KCNMB3: variants seen among roughly 807,000 people sequenced by gnomAD.
KCNMB3 encodes potassium calcium-activated channel subfamily M regulatory beta subunit 3, also known as calcium-activated potassium channel subunit beta-3.
In KCNMB3, 18 loss-of-function variants were observed where a neutral mutation model predicts 11.9. The observed-to-expected ratio is 1.51, with a 90% confidence interval of 1.04 to 2.23. The LOEUF (loss-of-function observed/expected upper bound fraction) is 2.23. KCNMB3 is among the 30% of genes most tolerant of loss of function. KCNMB3 has a pLI of 0.00. For missense variants in KCNMB3, 247 were observed against 329.4 expected, an observed-to-expected ratio of 0.75 and a Z score of 1.94; for synonymous variants, 78 against 119.2, an observed-to-expected ratio of 0.65 and a Z score of 2.25.
At chr3:179,265,750 G>A (rs970312007) in intron 1 of KCNMB3, among the ~76,000 whole-genome samples, 3 of 152,142 alleles carry the variant, frequency 2.0e-5, no homozygotes, top group African/African-American at 4.8e-5. Context: ...GAGCCACCGC[G>A]CCTGGCACAA....
At position 179,263,893 on chromosome 3, in the gene KCNMB3, C is replaced by T. The variant is rs184623801; in HGVS notation, c.62+2756G>A. 1.2e-3 allele frequency among the ~76,000 whole-genome samples: 164 copies of T among 134,622 alleles called. 2 individuals carry two copies. The highest frequency in any genetic ancestry group is 4.4e-3 in the African/African-American group (159 of 36,232). 88.3% of individuals were successfully genotyped at this position (134,622 alleles called of 152,430 possible). ...TGATCTCAGCTCACTACAACCTCTG[C>T]TTCCCGGGTTCAAGCAATTCTCCTG... On this transcript the variant is annotated intron_variant, in intron 1 of 3. Coordinates refer to the KCNMB3 transcript ENST00000349697.
chr3:179,261,404 C>G, intron 1 of KCNMB3: 1 of 1,065,584 alleles, frequency 9.4e-7, no homozygotes, highest in Non-Finnish European at 1.1e-6. Flanking sequence ...GAAGTGAACG[C>G]TCGCGCTTCC....
chr3:179,255,590 A>T (rs913377824), upstream of KCNMB3, among the ~76,000 whole-genome samples: 1 of 152,190 alleles, frequency 6.6e-6, no homozygotes, highest in Non-Finnish European at 1.5e-5. Flanking sequence ...CATGAAAGAT[A>T]GATTAAATAG....
intron 1 of KCNMB3, among the ~76,000 whole-genome samples, chr3:179,246,334 C>A (rs1725642082): frequency 6.6e-6 from 1 of 152,094 alleles, no homozygotes; most frequent in Non-Finnish European, 1.5e-5. Flanking sequence ...ATTGCTTAAA[C>A]CCGGGAGGCA....
intron 1 of KCNMB3, among the ~76,000 whole-genome samples, chr3:179,264,256 A>G (rs1036574593): frequency 1.3e-5 from 2 of 152,194 alleles, no homozygotes; most frequent in Non-Finnish European, 2.9e-5. Flanking sequence ...CATCAATTAG[A>G]TATGCCATAT....
At chr3:179,249,343 A>G (rs1261356572) in intron 1 of KCNMB3, among the ~76,000 whole-genome samples, 1 of 150,620 alleles carries the variant, frequency 6.6e-6, no homozygotes, top group African/African-American at 2.4e-5. Context: ...ATAAATAAAT[A>G]AGCTAGAGAA....
rs774890691 is a variant in KCNMB3 at position 179,250,897 on chromosome 3, C to G, written c.94G>C (p.Asp32His). The change falls in exon 1 of 3, where the codon GAC (aspartate) becomes CAC (histidine). Residue 32 changes from aspartate (D) to histidine (H), a missense_variant. Asp to His is a moderately conservative substitution (Grantham distance 81). Transcript: ENST00000392685. Reference protein sequence around the residue: ...FPASGKKRETDYSDGDPLDVH... With the variant: ...FPASGKKRETHYSDGDPLDVH... Reference sequence around the variant, plus strand: ...TCTAGTGGGTCTCCATCACTGTAGTCTGTCTCTCTCTTCTTCCCTGAGGCA... The same window carrying G: ...TCTAGTGGGTCTCCATCACTGTAGTGTGTCTCTCTCTTCTTCCCTGAGGCA... 6.2e-7 allele frequency: 1 copy of G among 1,614,150 alleles called. No individual in the cohort carries two copies.
downstream of KCNMB3, chr3:179,239,817 T>C: frequency 2.0e-6 from 1 of 495,216 alleles, no homozygotes; most frequent in Non-Finnish European, 3.6e-6. Context: ...TGTGGTATAC[T>C]GCATTCATTA....
Position 179,260,332 on chromosome 3 carries a change from C to A in KCNMB3, c.62+6317G>T, listed in dbSNP as rs145924950. 437 of 1,614,058 alleles carry A rather than the reference C, an allele frequency of 2.7e-4. 1 individual carries two copies. The African/African-American group carries it at 5.3e-3, about 20-fold the overall frequency. ...GCGCTCTCAAGAATTTGGCTTTGAACCTGTTCCTCATAGGTAGCACCTGCT... is the reference window on the plus strand; with the variant it reads ...GCGCTCTCAAGAATTTGGCTTTGAAACTGTTCCTCATAGGTAGCACCTGCT... On this transcript the variant is annotated intron_variant, in intron 1 of 3. Transcript: ENST00000349697.
upstream of KCNMB3, among the ~76,000 whole-genome samples, chr3:179,253,615 G>A (rs1209931505): frequency 6.6e-6 from 1 of 152,166 alleles, no homozygotes; most frequent in African/African-American, 2.4e-5. Context: ...AGACCAGCCT[G>A]ACCAACATGG....
At chr3:179,251,218 G>C, upstream of KCNMB3, 1 of 1,559,076 alleles carries the variant, frequency 6.4e-7, no homozygotes, top group Non-Finnish European at 8.7e-7. Flanking sequence ...AATAACTAGA[G>C]AATGTTGTAT....
At chr3:179,266,610 A>G (rs935358022) in intron 1 of KCNMB3, 1 of 1,611,910 alleles carries the variant, frequency 6.2e-7, no homozygotes. Context: ...TTGTTCAGCC[A>G]GATTCCCACT....
At chr3:179,240,009 T>G (rs1165904559), downstream of KCNMB3, 1 of 1,546,268 alleles carries the variant, frequency 6.5e-7, no homozygotes, top group Non-Finnish European at 8.7e-7. Context: ...CTGTTTATGC[T>G]CATCAGAAAC....
In KCNMB3 at chr3:179,261,423, G is replaced by C. The variant is rs192422847; in HGVS notation, c.62+5226C>G. On this transcript the variant is annotated intron_variant, in intron 1 of 3. Transcript: ENST00000349697. ...TGAACGCTCGCGCTTCCGGGGCCAA[G>C]AGCCAGCCCGCCGGGGAGCGGCTCG... is the stretch of plus-strand genomic sequence containing the variant. The C allele has an allele frequency of 3.9e-4, 405 of 1,049,996 alleles. 4 individuals carry two copies. The African/African-American group carries it at 6.3e-3, about 16-fold the overall frequency. The allele number at this position is 1,049,996 out of a possible 1,614,324, so 65.0% of individuals were successfully genotyped here. A position where few individuals can be genotyped will look rare whatever the true frequency, so the allele number is the denominator to read the frequency against.
intron 1 of KCNMB3, chr3:179,259,002 C>T: frequency 6.2e-7 from 1 of 1,613,758 alleles, no homozygotes; most frequent in Non-Finnish European, 8.5e-7. Context: ...TGCACCACGC[C>T]TGCCGCCTGC....
chr3:179,244,597 A>G lies in KCNMB3; in HGVS notation c.345T>C (p.Gly115=). 1.2e-6 allele frequency: 2 copies of G among 1,614,106 alleles called. No homozygotes were observed. Among genetic ancestry groups the G allele is most frequent in the Non-Finnish European group, 1.7e-6 (2 of 1,180,010 alleles). The part of the protein sequence containing the change: ...CAFTCGVHCH[G]QGKYPCLQVF... Reference sequence around the variant, plus strand: ...CCTGAAGACACGGGTACTTCCCCTGACCGTGGCAGTGCACACCACAGGTGA... The same window carrying G: ...CCTGAAGACACGGGTACTTCCCCTGGCCGTGGCAGTGCACACCACAGGTGA... Residue 115 remains glycine, a synonymous_variant, in exon 2 of 3, where the codon GGT becomes GGC. Coordinates refer to ENST00000392685, the MANE Select transcript of KCNMB3 (RefSeq NM_171830.2).
intron 1 of KCNMB3, among the ~76,000 whole-genome samples, chr3:179,247,712 C>T (rs886874278): frequency 6.6e-6 from 1 of 152,264 alleles, no homozygotes; most frequent in East Asian, 1.9e-4. Flanking sequence ...GGTGCTAATA[C>T]CAGAGAGAAG....
At chr3:179,246,684 T>C (rs1459094668) in intron 1 of KCNMB3, among the ~76,000 whole-genome samples, 1 of 152,192 alleles carries the variant, frequency 6.6e-6, no homozygotes, top group Non-Finnish European at 1.5e-5. Flanking sequence ...AATTAATTTA[T>C]ATGTTTATTT....
At chr3:179,259,682 A>G (rs1726137738) in intron 1 of KCNMB3, 1 of 1,606,030 alleles carries the variant, frequency 6.2e-7, no homozygotes, top group African/African-American at 1.3e-5. Flanking sequence ...AAACATCTTT[A>G]AGGGTTTCTA....
Sources: gnomAD v4.1 joint callset for allele counts (sites outside exome capture counted in the v4.1 genomes callset) on GRCh38, gnomAD v4.1.1 for gene constraint, MANE v1.5 for transcripts, NCBI Gene and HGNC (gene_info 2026-07-23, HGNC 2026-07-21) for gene names.